The following SLC35F1 variants were observed in gnomAD, a reference collection of about 807,000 sequenced individuals.
SLC35F1 encodes the protein chromosome 6 open reading frame 169.
In SLC35F1, 14 loss-of-function variants were observed where a neutral mutation model predicts 48.7. That is an observed-to-expected ratio of 0.29 (90% confidence interval 0.19 to 0.45). The LOEUF (loss-of-function observed/expected upper bound fraction) is 0.45. Ranked by LOEUF, SLC35F1 falls within the 20% of genes least tolerant of loss-of-function variation. The probability of loss-of-function intolerance (pLI) is 1.00; values close to 1 mark genes in which losing one functional copy is unlikely to be tolerated. For synonymous variants in SLC35F1, 190 were observed against 202.2 expected, an observed-to-expected ratio of 0.94 and a Z score of 0.51; for missense variants, 404 against 500.0, an observed-to-expected ratio of 0.81 and a Z score of 1.83.
intron 1 of SLC35F1, among the ~76,000 whole-genome samples, chr6:118,132,981 C>T (rs1773737607): frequency 6.6e-6 from 1 of 152,142 alleles, no homozygotes; most frequent in Non-Finnish European, 1.5e-5. Context: ...GAAAGGCAGT[C>T]CTTCCAGTGG....
chr6:118,115,375 G>A (rs1416350103), intron 1 of SLC35F1, among the ~76,000 whole-genome samples: 1 of 152,180 alleles, frequency 6.6e-6, no homozygotes, highest in Non-Finnish European at 1.5e-5. Flanking sequence ...TACCAGCAAG[G>A]AGAAAGGTGA....
intron 1 of SLC35F1, among the ~76,000 whole-genome samples, chr6:117,960,890 TG>T (rs1393601349): frequency 1.3e-5 from 2 of 152,182 alleles, no homozygotes; most frequent in African/African-American, 4.8e-5. Flanking sequence ...ATTCCTTCAT[TG>T]ACTGGGCTCT....
chr6:118,305,113 G>A (rs901571290), intron 7 of SLC35F1, among the ~76,000 whole-genome samples: 78 of 143,782 alleles, frequency 5.4e-4, no homozygotes, highest in African/African-American at 2.0e-3. Flanking sequence ...AAGAGAGATT[G>A]ATTGATTTTA....
chr6:118,005,903 A>G (rs559244547), intron 1 of SLC35F1, among the ~76,000 whole-genome samples: 73 of 152,216 alleles, frequency 4.8e-4, no homozygotes, highest in Non-Finnish European at 9.6e-4. Context: ...TGCTTCTACA[A>G]CTTACATCCC....
intron 3 of SLC35F1, among the ~76,000 whole-genome samples, chr6:118,266,317 T>TA (rs1232734816): frequency 6.6e-6 from 1 of 152,206 alleles, no homozygotes; most frequent in Non-Finnish European, 1.5e-5. Flanking sequence ...ACAAAATATA[T>TA]AAAAAATGAA....
intron 1 of SLC35F1, among the ~76,000 whole-genome samples, chr6:118,098,810 T>G (rs1773214744): frequency 6.6e-6 from 1 of 152,126 alleles, no homozygotes; most frequent in Non-Finnish European, 1.5e-5. Flanking sequence ...AGATAAGACT[T>G]TTAACGTATT....
At chr6:117,982,712 A>G (rs915347599) in intron 1 of SLC35F1, among the ~76,000 whole-genome samples, 5 of 152,240 alleles carry the variant, frequency 3.3e-5, no homozygotes, top group African/African-American at 1.2e-4. Flanking sequence ...AGAACTTCTC[A>G]GAAGAGAGTG....
chr6:117,983,471 G>C (rs1776808885), intron 1 of SLC35F1, among the ~76,000 whole-genome samples: 2 of 152,168 alleles, frequency 1.3e-5, no homozygotes, highest in Non-Finnish European at 2.9e-5. Flanking sequence ...CAGCTACTCA[G>C]GAGGCTGAGG....
chr6:118,158,991 C>T (rs767693445), intron 2 of SLC35F1, among the ~76,000 whole-genome samples: 14 of 151,982 alleles, frequency 9.2e-5, no homozygotes, highest in Non-Finnish European at 1.9e-4. Context: ...GAGGCCAAGG[C>T]GGGCAGACCA....
intron 1 of SLC35F1, among the ~76,000 whole-genome samples, chr6:117,980,774 C>T (rs17079599): frequency 0.02 from 2,970 of 152,228 alleles, 186 homozygotes; most frequent in East Asian, 0.13. Context: ...GGGGACTATT[C>T]GGTTTTTCAA....
chr6:117,946,929 C>CACT (rs1236697345), intron 1 of SLC35F1, among the ~76,000 whole-genome samples: 10 of 152,136 alleles, frequency 6.6e-5, no homozygotes, highest in Non-Finnish European at 1.3e-4. Context: ...CTGCTCTGTG[C>CACT]CAAGCACATT....
At chr6:118,261,463 A>T (rs145604220) in intron 3 of SLC35F1, among the ~76,000 whole-genome samples, 4 of 152,330 alleles carry the variant, frequency 2.6e-5, no homozygotes, top group African/African-American at 9.6e-5. Context: ...AATAGTCAAC[A>T]CATTTTCTTT....
At chr6:118,182,306 C>T (rs1774588268) in intron 2 of SLC35F1, among the ~76,000 whole-genome samples, 2 of 151,344 alleles carry the variant, frequency 1.3e-5, no homozygotes, top group South Asian at 4.2e-4. Context: ...GGCAATATCT[C>T]TACAAATAAA....
chr6:118,207,220 G>A (rs979523809), intron 2 of SLC35F1, among the ~76,000 whole-genome samples: 2 of 152,114 alleles, frequency 1.3e-5, no homozygotes, highest in African/African-American at 4.8e-5. Context: ...ATTTTTATAA[G>A]GAATGATTGG....
intron 2 of SLC35F1, among the ~76,000 whole-genome samples, chr6:118,165,806 C>T (rs932220856): frequency 2.0e-5 from 3 of 152,196 alleles, no homozygotes; most frequent in Admixed American, 6.5e-5. Flanking sequence ...GGTTTGGGCA[C>T]AGGAGCCATA....
chr6:118,013,181 G>A (rs1196924288), intron 1 of SLC35F1, among the ~76,000 whole-genome samples: 1 of 152,130 alleles, frequency 6.6e-6, no homozygotes, highest in African/African-American at 2.4e-5. Context: ...AAGGCAAAAC[G>A]TGACACTGAG....
chr6:118,245,779 A>C (rs1775499670), intron 3 of SLC35F1, among the ~76,000 whole-genome samples: 1 of 152,138 alleles, frequency 6.6e-6, no homozygotes, highest in Admixed American at 6.6e-5. Flanking sequence ...ACATCACTTA[A>C]GTTGTTCTCT....
chr6:117,929,394 T>G (rs1776070817), intron 1 of SLC35F1, among the ~76,000 whole-genome samples: 1 of 151,964 alleles, frequency 6.6e-6, no homozygotes, highest in Non-Finnish European at 1.5e-5. Flanking sequence ...TATCTATCTA[T>G]CTACTATATT....
chr6:118,096,713 T>G (rs779321730), intron 1 of SLC35F1, among the ~76,000 whole-genome samples: 1 of 152,190 alleles, frequency 6.6e-6, no homozygotes, highest in African/African-American at 2.4e-5. Context: ...CCACTCACCT[T>G]CCTTTTGGAC....
Sources: gnomAD v4.1 joint callset for allele counts (sites outside exome capture counted in the v4.1 genomes callset) on GRCh38, gnomAD v4.1.1 for gene constraint, MANE v1.5 for transcripts, NCBI Gene and HGNC (gene_info 2026-07-23, HGNC 2026-07-21) for gene names.